Variants in NAALADL2 observed in about 807,000 individuals in gnomAD.
NAALADL2 encodes the protein N-acetylated alpha-linked acidic dipeptidase like 2.
Under a neutral mutation model 87.2 loss-of-function variants are expected in NAALADL2, and 76 were observed. The observed-to-expected ratio is 0.87, with a 90% CI of 0.72 to 1.05. The LOEUF (loss-of-function observed/expected upper bound fraction) is 1.05, where lower values mean the gene tolerates loss of function less well. Ranked by LOEUF, NAALADL2 falls within the 50% of genes least tolerant of loss-of-function variation. NAALADL2 has a pLI of 0.00. For synonymous variants in NAALADL2, 354 were observed against 331.0 expected (o/e 1.07, Z -0.75); for missense variants, 1,089 against 945.8 (o/e 1.15, Z -1.99).
At chr3:174,828,721 G>A (rs537151884) in intron 3 of NAALADL2, among the ~76,000 whole-genome samples, 27 of 152,134 alleles carry the variant, frequency 1.8e-4, no homozygotes, top group African/African-American at 5.8e-4. Context: ...TATGCACATC[G>A]CTCCTGAATT....
intron 1 of NAALADL2, among the ~76,000 whole-genome samples, chr3:174,520,234 CAAGA>C (rs1479061314): frequency 6.6e-6 from 1 of 152,092 alleles, no homozygotes; most frequent in Non-Finnish European, 1.5e-5. Flanking sequence ...CGTATGGAAT[CAAGA>C]AAGAGCCCGA....
chr3:174,614,722 T>C (rs1333922527), intron 2 of NAALADL2, among the ~76,000 whole-genome samples: 1 of 152,208 alleles, frequency 6.6e-6, no homozygotes, highest in Non-Finnish European at 1.5e-5. Flanking sequence ...TCTGTAGATA[T>C]TTGTTAAATT....
intron 2 of NAALADL2, among the ~76,000 whole-genome samples, chr3:174,604,072 G>A (rs1718731071): frequency 6.6e-6 from 1 of 151,990 alleles, no homozygotes; most frequent in African/African-American, 2.4e-5. Context: ...ATATATATTA[G>A]GTTTATTTGG....
chr3:174,492,537 TTG>T (rs34069125), intron 1 of NAALADL2, among the ~76,000 whole-genome samples: 76,805 of 151,446 alleles, frequency 0.51, 20,199 homozygotes, highest in East Asian at 0.89. Flanking sequence ...TATAGGTATT[TTG>T]TGTGTGTGTG....
At chr3:174,609,507 T>C (rs1719552434) in intron 2 of NAALADL2, among the ~76,000 whole-genome samples, 1 of 152,088 alleles carries the variant, frequency 6.6e-6, no homozygotes, top group Non-Finnish European at 1.5e-5. Flanking sequence ...ACAAGCATTC[T>C]TATACACCAA....
chr3:175,520,040 G>A (rs1426574642), intron 9 of NAALADL2, among the ~76,000 whole-genome samples: 2 of 152,002 alleles, frequency 1.3e-5, no homozygotes, highest in Non-Finnish European at 2.9e-5. Context: ...TAATGCTATA[G>A]TTTCTATTAT....
chr3:175,625,618 G>A (rs1287548276), intron 10 of NAALADL2, among the ~76,000 whole-genome samples: 1 of 151,984 alleles, frequency 6.6e-6, no homozygotes, highest in African/African-American at 2.4e-5. Context: ...TAAACACACA[G>A]AATCTTGGGA....
intron 4 of NAALADL2, among the ~76,000 whole-genome samples, chr3:175,303,585 T>C (rs1757342006): frequency 6.6e-6 from 1 of 152,210 alleles, no homozygotes. Flanking sequence ...TATTAGTTTC[T>C]TTTTAAGATT....
At chr3:174,475,073 A>C (rs1411717357) in intron 1 of NAALADL2, among the ~76,000 whole-genome samples, 4 of 151,988 alleles carry the variant, frequency 2.6e-5, no homozygotes. Flanking sequence ...CTTAGGCAGA[A>C]GAAAATCATT....
At chr3:175,689,356 A>G (rs1268870101) in intron 11 of NAALADL2, among the ~76,000 whole-genome samples, 1 of 152,140 alleles carries the variant, frequency 6.6e-6, no homozygotes, top group African/African-American at 2.4e-5. Flanking sequence ...AGATTTTTAA[A>G]ATATGAAAGT....
chr3:175,741,945 C>A (rs1428802126), intron 12 of NAALADL2, among the ~76,000 whole-genome samples: 1 of 152,252 alleles, frequency 6.6e-6, no homozygotes, highest in Non-Finnish European at 1.5e-5. Context: ...TGGTTTGTTA[C>A]AGAAAGGCGG....
intron 6 of NAALADL2, among the ~76,000 whole-genome samples, chr3:175,452,365 A>C: frequency 6.6e-6 from 1 of 152,022 alleles, no homozygotes; most frequent in East Asian, 1.9e-4. Flanking sequence ...CAAATGACAA[A>C]CCTTTTTGGC....
intron 1 of NAALADL2, among the ~76,000 whole-genome samples, chr3:174,943,993 C>T (rs1350941674): frequency 6.6e-6 from 1 of 152,038 alleles, no homozygotes; most frequent in African/African-American, 2.4e-5. Flanking sequence ...GGGGATCTGT[C>T]CAGTGAGGAG....
At chr3:175,193,530 A>G (rs1250682387) in intron 2 of NAALADL2, among the ~76,000 whole-genome samples, 1 of 151,914 alleles carries the variant, frequency 6.6e-6, no homozygotes, top group African/African-American at 2.4e-5. Context: ...TTTATGAAAT[A>G]GAGGTGAGAT....
chr3:175,078,824 A>T (rs1717160039), intron 1 of NAALADL2, among the ~76,000 whole-genome samples: 1 of 152,194 alleles, frequency 6.6e-6, no homozygotes, highest in African/African-American at 2.4e-5. Flanking sequence ...CATTTTATTT[A>T]TCCTTCCGTC....
In NAALADL2 at chr3:174,707,828, A is replaced by C. The variant is rs140135755; in HGVS notation, c.-114-29813A>C. Among the ~76,000 whole-genome samples the C allele has an allele frequency of 4.5e-3, 685 of 152,216 alleles. 6 individuals carry two copies. The highest frequency in any genetic ancestry group is 0.016 in the African/African-American group (658 of 41,548). On this transcript the variant is annotated intron_variant, in intron 2 of 3. Transcript: ENST00000434257. Reference sequence around the variant, plus strand: ...ATTTTAAAAAAGGACATCAAAATTGAAAGTCCAAAGCACAAAAAAAAAAGC... The same window carrying C: ...ATTTTAAAAAAGGACATCAAAATTGCAAGTCCAAAGCACAAAAAAAAAAGC...
intron 3 of NAALADL2, among the ~76,000 whole-genome samples, chr3:175,251,023 A>C (rs961507661): frequency 6.6e-6 from 1 of 152,228 alleles, no homozygotes; most frequent in African/African-American, 2.4e-5. Context: ...CAGAGGAGCC[A>C]GATGAGGGAA....
At chr3:175,305,979 G>A (rs74840263) in intron 4 of NAALADL2, among the ~76,000 whole-genome samples, 1,630 of 151,564 alleles carry the variant, frequency 0.011, 32 homozygotes, top group African/African-American at 0.038. Context: ...AGATTTTTTT[G>A]ATAAAAAACA....
At chr3:174,716,147 A>G (rs1731159809) in intron 2 of NAALADL2, among the ~76,000 whole-genome samples, 1 of 152,136 alleles carries the variant, frequency 6.6e-6, no homozygotes, top group Non-Finnish European at 1.5e-5. Context: ...CAAATAGAAT[A>G]TCCTTAATTA....
Sources: gnomAD v4.1 joint callset for allele counts (sites outside exome capture counted in the v4.1 genomes callset) on GRCh38, gnomAD v4.1.1 for gene constraint, MANE v1.5 for transcripts, NCBI Gene and HGNC (gene_info 2026-07-23, HGNC 2026-07-21) for gene names.